GCC2: variants seen among roughly 807,000 people sequenced by gnomAD.
GCC2 encodes the protein GRIP and coiled-coil domain containing 2, also known as GRIP and coiled-coil domain-containing protein 2.
Under a neutral mutation model 210.6 loss-of-function variants are expected in GCC2, and 120 were observed. That is an observed-to-expected ratio of 0.57 (90% CI 0.49 to 0.66). GCC2 has a LOEUF of 0.66. GCC2 is among the 30% of genes least tolerant of loss of function. The probability of loss-of-function intolerance (pLI) is 0.00; values close to 1 mark genes in which losing one functional copy is unlikely to be tolerated. For synonymous variants in GCC2, 703 were observed against 652.7 expected (o/e 1.08, Z -1.17); for missense variants, 1,868 against 1,871.9 (o/e 1.00, Z 0.04).
chr2:108,497,132 C>T, intron 21 of GCC2, 23 bp downstream of exon 21: 6 of 1,611,910 alleles, frequency 3.7e-6, no homozygotes, highest in Non-Finnish European at 4.2e-6. Context: ...AACCTGGCCG[C>T]CGTGAAAACC....
At chr2:108,452,360 T>C (rs746086952) in intron 3 of GCC2, 39 bp from the exon 4 acceptor site, 9 of 1,049,398 alleles carry the variant, frequency 8.6e-6, no homozygotes, top group Non-Finnish European at 1.3e-5. Flanking sequence ...TTATGTTCTT[T>C]ATTTCTGAAC....
chr2:108,460,872 T>C (rs1180105334), intron 4 of GCC2, among the ~76,000 whole-genome samples: 1 of 152,132 alleles, frequency 6.6e-6, no homozygotes, highest in Non-Finnish European at 1.5e-5. Flanking sequence ...TCTCATGAGA[T>C]GTGGTTGTTT....
rs769360192 is a variant in GCC2 at position 108,469,114 on chromosome 2, T to C, written c.321+30T>C. On this transcript the variant is annotated intron_variant, in intron 5 of 22. Coordinates refer to ENST00000309863, the MANE Select transcript of GCC2 (RefSeq NM_181453.4). Reference sequence around the variant, plus strand: ...GTCAATATTTTAGTGTTCTTTTCTTTTTTATTAACATATAGTGTAGTCATT... The same window carrying C: ...GTCAATATTTTAGTGTTCTTTTCTTCTTTATTAACATATAGTGTAGTCATT... 12 of 1,328,442 alleles carry C rather than the reference T, an allele frequency of 9.0e-6. 1 individual carries two copies. The South Asian group carries it at 1.4e-4, about 16-fold the overall frequency. The allele number at this position is 1,328,442 out of a possible 1,614,324, so 82.3% of individuals were successfully genotyped here.
intron 22 of GCC2, among the ~76,000 whole-genome samples, chr2:108,501,287 TTTG>T (rs1386480492): frequency 2.0e-5 from 3 of 152,138 alleles, no homozygotes; most frequent in East Asian, 3.9e-4. Flanking sequence ...GCCCAGCCAT[TTTG>T]TTGTTTTTTT....
At chr2:108,477,901 C>T (rs1280592632) in intron 9 of GCC2, among the ~76,000 whole-genome samples, 2 of 152,154 alleles carry the variant, frequency 1.3e-5, no homozygotes, top group African/African-American at 4.8e-5. Context: ...CAAAATTTAG[C>T]TGGGCATGGT....
Position 108,507,882 on chromosome 2 carries a change from C to T in GCC2, c.*252C>T, listed in dbSNP as rs1176133268. Reference sequence around the variant, plus strand: ...ATGCATGCTGCCAGAATAAAACCACCAGGAATGAATTCACTCCCCACTTCT... The same window carrying T: ...ATGCATGCTGCCAGAATAAAACCACTAGGAATGAATTCACTCCCCACTTCT... On this transcript the variant is annotated 3_prime_UTR_variant, in exon 23 of 23. Coordinates refer to ENST00000309863, the MANE Select transcript of GCC2 (RefSeq NM_181453.4). The T allele has an allele frequency of 1.2e-5, 4 of 342,686 alleles. No homozygotes were observed. The highest frequency in any genetic ancestry group is 2.2e-5 in the Non-Finnish European group (4 of 179,058). 21.2% of individuals were successfully genotyped at this position (342,686 alleles called of 1,614,324 possible). A position where few individuals can be genotyped will look rare whatever the true frequency, so the allele number is the denominator to read the frequency against.
intron 4 of GCC2, among the ~76,000 whole-genome samples, chr2:108,456,740 G>A (rs533011562): frequency 4.5e-4 from 67 of 149,614 alleles, no homozygotes; most frequent in Non-Finnish European, 8.6e-4. Context: ...CACTTGAGCC[G>A]AGCAGTTTGA....
intron 21 of GCC2, 48 bp downstream of exon 21, chr2:108,497,157 C>T (rs751781364): frequency 1.9e-6 from 3 of 1,611,502 alleles, no homozygotes; most frequent in Non-Finnish European, 2.5e-6. Flanking sequence ...GTTTGGTTTT[C>T]TTGACCCTCC....
At chr2:108,465,106 C>T (rs180892008) in intron 4 of GCC2, among the ~76,000 whole-genome samples, 1 of 152,344 alleles carries the variant, frequency 6.6e-6, no homozygotes, top group Non-Finnish European at 1.5e-5. Context: ...CTAGACCCCA[C>T]TGCCAACATT....
chr2:108,459,674 A>G (rs1364486629), intron 4 of GCC2, among the ~76,000 whole-genome samples: 1 of 137,398 alleles, frequency 7.3e-6, no homozygotes, highest in Non-Finnish European at 1.5e-5. Context: ...TGTCAGGTTC[A>G]TATATGTTTA....
rs1683355152 is a variant in GCC2, at chr2:108,509,072, T to G, written c.*1442T>G. The G allele has an allele frequency of 6.6e-6, 1 of 152,652 alleles. No individual in the cohort carries two copies. Among genetic ancestry groups the G allele is most frequent in the African/African-American group, 2.4e-5 (1 of 41,460 alleles). The allele number at this position is 152,652 out of a possible 1,614,324, so 9.5% of individuals were successfully genotyped here. ...TAGAAGAACAGACCTAACTAGTGAA[T>G]GTATTAATGAAAATGCATCTATTTC... On this transcript the variant is annotated 3_prime_UTR_variant, in exon 23 of 23. Coordinates refer to ENST00000309863, the MANE Select transcript of GCC2 (RefSeq NM_181453.4).
chr2:108,490,122 T>A (rs974928063), intron 18 of GCC2, 108 bp downstream of exon 18: 70 of 797,842 alleles, frequency 8.8e-5, no homozygotes, highest in Non-Finnish European at 1.3e-4. Flanking sequence ...AAATAAAAAA[T>A]AGACATTTCT....
chr2:108,479,288 A>G (rs1316414313), intron 9 of GCC2, among the ~76,000 whole-genome samples: 1 of 152,258 alleles, frequency 6.6e-6, no homozygotes, highest in African/African-American at 2.4e-5. Context: ...GTTGAGTCAA[A>G]TAATTGACCA....
chr2:108,508,104 C>CGTAT lies in GCC2; in HGVS notation c.*474_*475insGTAT, dbSNP rs1221714822. On this transcript the variant is annotated 3_prime_UTR_variant, in exon 23 of 23. Coordinates refer to ENST00000309863, the MANE Select transcript of GCC2 (RefSeq NM_181453.4). ...GCTTGAGGCTAGTGAGCTGTGACTC[C>CGTAT]CACTGCACTCCAGCTCGGGGAACAG... is the stretch of plus-strand genomic sequence containing the variant. The CGTAT allele has an allele frequency of 1.7e-4, 23 of 137,480 alleles. 1 individual carries two copies. The highest frequency in any genetic ancestry group is 3.0e-4 in the African/African-American group (12 of 40,450). 8.5% of individuals were successfully genotyped at this position (137,480 alleles called of 1,614,324 possible). A position where few individuals can be genotyped will look rare whatever the true frequency, so the allele number is the denominator to read the frequency against.
At chr2:108,452,683 TTTTC>T (rs1558725314) in intron 4 of GCC2, among the ~76,000 whole-genome samples, 6 of 137,668 alleles carry the variant, frequency 4.4e-5, no homozygotes, top group African/African-American at 1.3e-4. Context: ...GTATTTTCTT[TTTTC>T]TTTCTTTTTT....
chr2:108,460,008 C>T (rs1680481707), intron 4 of GCC2, among the ~76,000 whole-genome samples: 1 of 151,780 alleles, frequency 6.6e-6, no homozygotes, highest in African/African-American at 2.4e-5. Context: ...TGCTACCATG[C>T]CCAGCTAATT....
At chr2:108,452,599 C>T in intron 4 of GCC2, 133 bp downstream of exon 4, 2 of 640,210 alleles carry the variant, frequency 3.1e-6, no homozygotes, top group South Asian at 1.9e-5. Flanking sequence ...CTATCTGATT[C>T]ACTGTAAAAA....
intron 4 of GCC2, among the ~76,000 whole-genome samples, chr2:108,457,348 T>A (rs1444604531): frequency 6.6e-6 from 1 of 152,212 alleles, no homozygotes; most frequent in Non-Finnish European, 1.5e-5. Context: ...TTGGTCTGTA[T>A]GCTTGTTTAT....
At chr2:108,493,209 C>A in intron 19 of GCC2, 1 of 273,100 alleles carries the variant, frequency 3.7e-6, no homozygotes, top group Non-Finnish European at 6.4e-6. Context: ...CCTGCCTCAG[C>A]CTTCCGAGCA....
Sources: allele counts gnomAD v4.1 joint callset (sites outside exome capture counted in the v4.1 genomes callset), GRCh38; gene constraint gnomAD v4.1.1; transcripts MANE v1.5; gene names NCBI Gene and HGNC (gene_info 2026-07-23, HGNC 2026-07-21).